The following MAPK10 variants were observed in gnomAD, a reference collection of about 807,000 sequenced individuals.
MAPK10 encodes mitogen-activated protein kinase 10.
MAPK10 carries 25 observed loss-of-function variants against 59.3 expected under a neutral mutation model. That is an observed-to-expected ratio of 0.42 (90% CI 0.31 to 0.59). The LOEUF (loss-of-function observed/expected upper bound fraction) is 0.59, where lower values mean the gene tolerates loss of function less well. Ranked by LOEUF, MAPK10 falls within the 20% of genes least tolerant of loss-of-function variation. The probability of loss-of-function intolerance (pLI) is 0.15; values close to 1 mark genes in which losing one functional copy is unlikely to be tolerated. For synonymous variants in MAPK10, 190 were observed against 200.5 expected, an observed-to-expected ratio of 0.95 and a Z score of 0.44; for missense variants, 351 against 568.9, an observed-to-expected ratio of 0.62 and a Z score of 3.90.
intron 1 of MAPK10, among the ~76,000 whole-genome samples, chr4:86,374,043 G>A (rs1275059109): frequency 6.6e-6 from 1 of 152,054 alleles, no homozygotes; most frequent in African/African-American, 2.4e-5. Context: ...AAGAAAATGT[G>A]GCACATATAC....
At chr4:86,052,862 C>T (rs11934691) in intron 11 of MAPK10, among the ~76,000 whole-genome samples, 70,038 of 151,744 alleles carry the variant, frequency 0.46, 17,080 homozygotes, top group African/African-American at 0.62. Flanking sequence ...ATTTTTGTAT[C>T]TTTAGTAGAG....
chr4:86,376,713 G>A (rs1428508673), intron 1 of MAPK10, among the ~76,000 whole-genome samples: 1 of 152,154 alleles, frequency 6.6e-6, no homozygotes, highest in Non-Finnish European at 1.5e-5. Context: ...CATTAGACAT[G>A]AGAAACAACC....
chr4:86,211,287 A>C (rs1184918768), intron 2 of MAPK10, among the ~76,000 whole-genome samples: 1 of 152,088 alleles, frequency 6.6e-6, no homozygotes, highest in Non-Finnish European at 1.5e-5. Flanking sequence ...ATTAAAATTA[A>C]AATGTTGAAA....
chr4:86,196,245 T>C (rs1309337278), intron 2 of MAPK10, among the ~76,000 whole-genome samples: 1 of 152,234 alleles, frequency 6.6e-6, no homozygotes, highest in Admixed American at 6.5e-5. Context: ...TCCTGACTTT[T>C]TAATGATGGT....
intron 9 of MAPK10, among the ~76,000 whole-genome samples, chr4:86,086,788 A>C (rs778786524): frequency 9.9e-5 from 15 of 152,120 alleles, no homozygotes; most frequent in Non-Finnish European, 1.8e-4. Flanking sequence ...TAATAACAGA[A>C]TTTTTTAAAT....
intron 2 of MAPK10, among the ~76,000 whole-genome samples, chr4:86,319,284 G>A (rs985342416): frequency 1.3e-5 from 2 of 152,080 alleles, no homozygotes; most frequent in African/African-American, 4.8e-5. Context: ...GGGGCCAGAA[G>A]TGAAGAAGAA....
upstream of MAPK10, among the ~76,000 whole-genome samples, chr4:86,455,785 A>G (rs1423189208): frequency 6.6e-6 from 1 of 152,198 alleles, no homozygotes; most frequent in Admixed American, 6.5e-5. Context: ...ATGGATTTAA[A>G]CTATGCACTG....
rs374108685 is a variant in MAPK10, at chr4:86,373,180, C to T, written c.-121-18536G>A. ...GGGAAAGGATTCCCTATTTAATAAA[C>T]GACGTTGGGAAAACTGGCTAGCCAT... On this transcript the variant is annotated intron_variant, in intron 1 of 13. Coordinates refer to the MAPK10 transcript ENST00000361569. Among the ~76,000 whole-genome samples, 35 of 152,132 alleles carry T rather than the reference C, an allele frequency of 2.3e-4. 1 individual carries two copies. The highest frequency in any genetic ancestry group is 1.4e-3 in the East Asian group (7 of 5,172).
At chr4:86,095,359 T>C (rs1315238034) in intron 9 of MAPK10, 3 of 151,844 alleles carry the variant, frequency 2.0e-5, no homozygotes, top group Non-Finnish European at 4.4e-5. Context: ...TTGCTTAGGG[T>C]TCAAGTTTAA....
At chr4:86,317,075 C>T (rs1380156928) in intron 2 of MAPK10, among the ~76,000 whole-genome samples, 2 of 152,150 alleles carry the variant, frequency 1.3e-5, no homozygotes, top group African/African-American at 2.4e-5. Flanking sequence ...CAGTAGGGCA[C>T]TGGCACATCC....
At chr4:86,537,184 G>A (rs1323933830) in intron 1 of MAPK10, among the ~76,000 whole-genome samples, 1 of 152,146 alleles carries the variant, frequency 6.6e-6, no homozygotes, top group Non-Finnish European at 1.5e-5. Context: ...GGTGATGATG[G>A]TGGCAAAGGC....
At chr4:86,348,335 G>T (rs1308350744) in intron 2 of MAPK10, among the ~76,000 whole-genome samples, 1 of 152,116 alleles carries the variant, frequency 6.6e-6, no homozygotes, top group Non-Finnish European at 1.5e-5. Context: ...TTATAAAATA[G>T]GAATGTTCAG....
intron 1 of MAPK10, chr4:86,357,186 T>G (rs574573009): frequency 6.6e-6 from 1 of 152,306 alleles, no homozygotes; most frequent in African/African-American, 2.4e-5. Context: ...ATCATTCGAT[T>G]TGAACACACC....
intron 11 of MAPK10, among the ~76,000 whole-genome samples, chr4:86,055,045 A>C (rs1441396654): frequency 1.3e-5 from 2 of 152,246 alleles, no homozygotes; most frequent in African/African-American, 4.8e-5. Context: ...GATGTCTCAC[A>C]GTACAATATC....
At chr4:86,106,273 G>C (rs1229069318) in intron 5 of MAPK10, among the ~76,000 whole-genome samples, 2 of 151,786 alleles carry the variant, frequency 1.3e-5, no homozygotes, top group Admixed American at 6.6e-5. Flanking sequence ...CAAGATCCCT[G>C]GTTTATAAAA....
intron 4 of MAPK10, 124 bp downstream of exon 4, chr4:86,159,174 A>G: frequency 1.5e-6 from 1 of 660,494 alleles, no homozygotes; most frequent in Non-Finnish European, 2.4e-6. Context: ...TTTCTTCAGT[A>G]GGATTATTTT....
chr4:86,462,251 G>A (rs1751813793), intron 1 of MAPK10, among the ~76,000 whole-genome samples: 2 of 152,192 alleles, frequency 1.3e-5, no homozygotes, highest in Admixed American at 1.3e-4. Context: ...TTTAAAAGGG[G>A]TACAAGTACA....
At position 86,205,963 on chromosome 4, in the gene MAPK10, G is replaced by A. The variant is rs143373859; in HGVS notation, c.-6-11556C>T. ...TTCTATTCAATAGTACCCTGCAAATGAAATGAAATTTTTAAAATTGGCATA... is the reference window on the plus strand; with the variant it reads ...TTCTATTCAATAGTACCCTGCAAATAAAATGAAATTTTTAAAATTGGCATA... On this transcript the variant is annotated intron_variant, in intron 2 of 13. Coordinates refer to ENST00000641462, the MANE Select transcript of MAPK10 (RefSeq NM_138982.4). Among the ~76,000 whole-genome samples the A allele has an allele frequency of 3.0e-3, 448 of 151,836 alleles. 2 individuals are homozygous for A. Among genetic ancestry groups the A allele is most frequent in the African/African-American group, 0.01 (435 of 41,436 alleles).
At chr4:86,533,322 G>A (rs1218057546) in intron 1 of MAPK10, among the ~76,000 whole-genome samples, 1 of 152,120 alleles carries the variant, frequency 6.6e-6, no homozygotes, top group Non-Finnish European at 1.5e-5. Context: ...TTCTGGAGAT[G>A]GATAGCAGTG....
Sources: allele counts gnomAD v4.1 joint callset (sites outside exome capture counted in the v4.1 genomes callset), GRCh38; gene constraint gnomAD v4.1.1; transcripts MANE v1.5; gene names NCBI Gene and HGNC (gene_info 2026-07-23, HGNC 2026-07-21).